The following TMEM181 variants were observed in gnomAD, a reference collection of about 807,000 sequenced individuals.
TMEM181 encodes the protein G protein-coupled receptor 178.
A neutral mutation model predicts 71.9 loss-of-function variants in TMEM181; 39 were observed. The observed-to-expected ratio is 0.54, with a 90% CI of 0.42 to 0.71. The LOEUF (loss-of-function observed/expected upper bound fraction) is 0.71, where lower values mean the gene tolerates loss of function less well. TMEM181 is among the 30% of genes least tolerant of loss of function. The pLI is 0.00. For missense variants in TMEM181, 595 were observed against 583.0 expected (o/e 1.02, Z -0.21); for synonymous variants, 245 against 228.8 (o/e 1.07, Z -0.64).
intron 1 of TMEM181, among the ~76,000 whole-genome samples, chr6:158,548,745 C>T (rs1781623593): frequency 6.6e-6 from 1 of 152,216 alleles, no homozygotes; most frequent in Non-Finnish European, 1.5e-5. Flanking sequence ...GGCTGGGTGC[C>T]AGGTCCTGGA....
In TMEM181 at chr6:158,621,819, T is replaced by G. The variant is rs145096985; in HGVS notation, c.897-1731T>G. On this transcript the variant is annotated intron_variant, in intron 10 of 16. Coordinates refer to ENST00000684151, the MANE Select transcript of TMEM181 (RefSeq NM_001376852.1). ...CTGCGCAGGCCACTTCACAGATGCC[T>G]AACTGCTTCAGGGGCTACAGAGCAC... is the stretch of plus-strand genomic sequence containing the variant. Among the ~76,000 whole-genome samples the G allele has an allele frequency of 3.8e-3, 574 of 152,354 alleles. 9 individuals carry two copies. Among genetic ancestry groups the G allele is most frequent in the African/African-American group, 0.013 (548 of 41,582 alleles).
At chr6:158,566,617 C>T (rs1382146789) in intron 1 of TMEM181, among the ~76,000 whole-genome samples, 2 of 75,476 alleles carry the variant, frequency 2.6e-5, no homozygotes, top group African/African-American at 1.0e-4. Context: ...GGAGGTGATA[C>T]GGTGAGGGAG....
At chr6:158,622,805 C>T (rs1786039804) in intron 10 of TMEM181, among the ~76,000 whole-genome samples, 1 of 151,854 alleles carries the variant, frequency 6.6e-6, no homozygotes, top group Admixed American at 6.6e-5. Flanking sequence ...TCAATTTCTC[C>T]TTTAGAGAGG....
intron 13 of TMEM181, 189 bp from the exon 14 acceptor site, chr6:158,628,216 CAGA>C: frequency 1.4e-6 from 1 of 708,494 alleles, no homozygotes; most frequent in Non-Finnish European, 2.5e-6. Context: ...GACCAAAAAC[CAGA>C]AGCAGGGGCT....
chr6:158,634,305 A>G lies in TMEM181; in HGVS notation c.*2417A>G, dbSNP rs1197941312. The G allele has an allele frequency of 1.3e-5, 2 of 152,268 alleles. No individual in the cohort carries two copies. The highest frequency in any genetic ancestry group is 4.8e-5 in the African/African-American group (2 of 41,472). The allele number at this position is 152,268 out of a possible 1,614,324, so 9.4% of individuals were successfully genotyped here. On this transcript the variant is annotated 3_prime_UTR_variant, in exon 17 of 17. Coordinates refer to ENST00000684151, the MANE Select transcript of TMEM181 (RefSeq NM_001376852.1). Reference sequence around the variant, plus strand: ...CTCTCTAGCACTTGGCATGTAGAATATGTACCATAGGTATCAGGTTAAAAC... The same window carrying G: ...CTCTCTAGCACTTGGCATGTAGAATGTGTACCATAGGTATCAGGTTAAAAC...
chr6:158,629,925 T>G (rs1275479965), intron 15 of TMEM181, 106 bp downstream of exon 15: 2 of 910,896 alleles, frequency 2.2e-6, no homozygotes. Context: ...GCGCTGTGAT[T>G]CCCAGTGACT....
chr6:158,601,421 C>T (rs1562300327), intron 6 of TMEM181, among the ~76,000 whole-genome samples: 1 of 151,976 alleles, frequency 6.6e-6, no homozygotes, highest in East Asian at 1.9e-4. Context: ...GTGGCACATG[C>T]CTGTAATCCC....
chr6:158,573,468 C>T lies in TMEM181; in HGVS notation c.57C>T (p.Leu19=), dbSNP rs367777102. Residue 19 remains leucine (L), a synonymous_variant, in exon 2 of 17, where the codon CTC becomes CTT. Transcript: ENST00000684151. The part of the protein sequence containing the change: ...LYTLSKRHFV[L]VFVVFFICFG... ...CGCTCTCCAAGCGCCACTTTGTCCTCGTGTTTGTCGTCTTCTTCATCTGCT... is the reference window on the plus strand; with the variant it reads ...CGCTCTCCAAGCGCCACTTTGTCCTTGTGTTTGTCGTCTTCTTCATCTGCT... 5.0e-5 allele frequency: 81 copies of T among 1,605,182 alleles called. No individual in the cohort carries two copies. The highest frequency in any genetic ancestry group is 5.4e-5 in the Non-Finnish European group (63 of 1,176,030).
intron 5 of TMEM181, among the ~76,000 whole-genome samples, chr6:158,588,094 TG>T (rs768285412): frequency 2.0e-5 from 3 of 152,210 alleles, no homozygotes; most frequent in African/African-American, 4.8e-5. Flanking sequence ...CAATGAGAGC[TG>T]ATCAGGTGGA....
intron 1 of TMEM181, among the ~76,000 whole-genome samples, chr6:158,541,231 C>T (rs541811736): frequency 8.6e-5 from 13 of 152,034 alleles, no homozygotes; most frequent in East Asian, 5.8e-4. Flanking sequence ...GCCTGGCCAA[C>T]GTGGCGAAAC....
intron 6 of TMEM181, 62 bp downstream of exon 6, chr6:158,589,844 A>C: frequency 8.7e-7 from 1 of 1,146,732 alleles, no homozygotes; most frequent in Non-Finnish European, 1.3e-6. Flanking sequence ...TTCTTTGTTC[A>C]ATGATTGAAA....
At chr6:158,580,199 G>A (rs1347849820) in intron 2 of TMEM181, among the ~76,000 whole-genome samples, 1 of 151,876 alleles carries the variant, frequency 6.6e-6, no homozygotes, top group South Asian at 2.1e-4. Context: ...GCGTGGTGGC[G>A]CATGCCTGTA....
At chr6:158,628,186 T>TCC in intron 13 of TMEM181, 1 of 685,436 alleles carries the variant, frequency 1.5e-6, no homozygotes, top group Non-Finnish European at 2.7e-6. Context: ...GGCCGGTGGG[T>TCC]CTAGCCCACC....
chr6:158,618,271 G>C (rs1288380185), intron 10 of TMEM181, among the ~76,000 whole-genome samples: 2 of 152,116 alleles, frequency 1.3e-5, no homozygotes, highest in Admixed American at 1.3e-4. Flanking sequence ...TTGGTTTAAA[G>C]TTTGTTTTAT....
At chr6:158,625,857 A>G in intron 13 of TMEM181, 103 bp downstream of exon 13, 2 of 1,053,120 alleles carry the variant, frequency 1.9e-6, no homozygotes. Flanking sequence ...GGGTACTTCT[A>G]GCCCAGTAGA....
chr6:158,623,662 T>C (rs1225012851), intron 11 of TMEM181, 55 bp downstream of exon 11: 3 of 1,280,410 alleles, frequency 2.3e-6, no homozygotes, highest in Non-Finnish European at 3.3e-6. Flanking sequence ...TTTTGTAAAA[T>C]TACTGAATTT....
intron 14 of TMEM181, 142 bp from the exon 15 acceptor site, chr6:158,629,588 A>T: frequency 1.5e-6 from 1 of 657,426 alleles, no homozygotes; most frequent in Non-Finnish European, 2.7e-6. Flanking sequence ...TGGAGTCCTG[A>T]CGTCTGGGTA....
upstream of TMEM181, among the ~76,000 whole-genome samples, chr6:158,557,502 G>GCAATTATT (rs1554301645): frequency 1.1e-5 from 1 of 93,088 alleles, no homozygotes. Context: ...TATCACAGCT[G>GCAATTATT]TAATTATTTA....
At chr6:158,573,986 A>G (rs902110361) in intron 2 of TMEM181, among the ~76,000 whole-genome samples, 4 of 152,022 alleles carry the variant, frequency 2.6e-5, no homozygotes, top group African/African-American at 9.7e-5. Flanking sequence ...ATCTAGGCCA[A>G]TCCCCTTTCT....
Sources: gnomAD v4.1 joint callset for allele counts (sites outside exome capture counted in the v4.1 genomes callset) on GRCh38, gnomAD v4.1.1 for gene constraint, MANE v1.5 for transcripts, NCBI Gene and HGNC (gene_info 2026-07-23, HGNC 2026-07-21) for gene names.